The following ATXN1 variants were observed in gnomAD, a reference collection of about 807,000 sequenced individuals.
The protein encoded by ATXN1 is ataxin-1.
In ATXN1, 8 loss-of-function variants were observed where a neutral mutation model predicts 56.4. The ratio of observed to expected loss-of-function variants is 0.14; its 90% CI spans 0.08 to 0.26. The LOEUF (loss-of-function observed/expected upper bound fraction) is 0.26. ATXN1 is among the 10% of genes least tolerant of loss of function. ATXN1 has a pLI of 1.00. For missense variants in ATXN1, 987 were observed against 1,106.5 expected, an observed-to-expected ratio of 0.89 and a Z score of 1.53; for synonymous variants, 514 against 494.6, an observed-to-expected ratio of 1.04 and a Z score of -0.52.
chr6:16,721,541 T>A (rs1434498910), intron 2 of ATXN1, among the ~76,000 whole-genome samples: 1 of 152,152 alleles, frequency 6.6e-6, no homozygotes, highest in East Asian at 1.9e-4. Context: ...ACAAGAGGAC[T>A]GCTTGAGCCC....
chr6:16,333,431 A>G (rs929645134), intron 6 of ATXN1, among the ~76,000 whole-genome samples: 2 of 152,224 alleles, frequency 1.3e-5, no homozygotes, highest in African/African-American at 4.8e-5. Context: ...GATGTGGGGA[A>G]TATATGCCCA....
intron 4 of ATXN1, among the ~76,000 whole-genome samples, chr6:16,554,883 G>GAA (rs1028253345): frequency 1.1e-4 from 17 of 152,178 alleles, no homozygotes; most frequent in African/African-American, 4.1e-4. Context: ...GAGCCACTAT[G>GAA]CCTGGCCATG....
intron 6 of ATXN1, among the ~76,000 whole-genome samples, chr6:16,391,404 A>C (rs1255534430): frequency 6.6e-6 from 1 of 152,148 alleles, no homozygotes; most frequent in Admixed American, 6.5e-5. Context: ...ATTCTCAGAC[A>C]TTTGCAGTCT....
chr6:16,724,907 C>T (rs752091952), intron 2 of ATXN1, among the ~76,000 whole-genome samples: 6 of 152,102 alleles, frequency 3.9e-5, no homozygotes, highest in Non-Finnish European at 8.8e-5. Flanking sequence ...GTGAGGATCC[C>T]GCCATGGCCT....
rs768430857 is a variant in ATXN1 at position 16,327,762 on chromosome 6, G to A, written c.549C>T (p.Asn183=). ...QLEAYSTLLA[N]MGSLSQTPGH... Reference sequence around the variant, plus strand: ...CCGGCGTCTGGCTCAGACTGCCCATGTTGGCCAGCAGAGTGGAATAGGCCT... The same window carrying A: ...CCGGCGTCTGGCTCAGACTGCCCATATTGGCCAGCAGAGTGGAATAGGCCT... The change falls in exon 7 of 8, where the codon AAC becomes AAT. Residue 183 remains asparagine, a synonymous_variant. Transcript: ENST00000436367. 7 of 1,609,362 alleles carry A rather than the reference G, an allele frequency of 4.3e-6. No homozygotes were observed. In the African/African-American group the frequency reaches 9.3e-5, roughly 21 times the overall value.
At position 16,641,657 on chromosome 6, in the gene ATXN1, T is replaced by A. The variant is rs373495830; in HGVS notation, c.-489+16119A>T. On this transcript the variant is annotated intron_variant, in intron 3 of 7. Coordinates refer to ENST00000436367, the MANE Select transcript of ATXN1 (RefSeq NM_001128164.2). ...ATATACAAGGAGATTCATGTCGTTT[T>A]CACGCCTGCTAACACAACACCCATT... Among the ~76,000 whole-genome samples, 8 of 152,254 alleles carry A rather than the reference T, an allele frequency of 5.3e-5. No individual in the cohort carries two copies. In the South Asian group the frequency reaches 1.7e-3, roughly 31 times the overall value.
intron 6 of ATXN1, among the ~76,000 whole-genome samples, chr6:16,440,978 T>C (rs537089072): frequency 6.6e-6 from 1 of 152,044 alleles, no homozygotes; most frequent in Non-Finnish European, 1.5e-5. Context: ...CATCTGAAGG[T>C]TTTGGCACAA....
chr6:16,568,880 T>TGA (rs945785304), intron 4 of ATXN1, among the ~76,000 whole-genome samples: 1 of 152,130 alleles, frequency 6.6e-6, no homozygotes, highest in Non-Finnish European at 1.5e-5. Context: ...GATCTAATCT[T>TGA]GAGAGAGAGG....
chr6:16,382,168 A>AC (rs1295546356), intron 6 of ATXN1, among the ~76,000 whole-genome samples: 1 of 151,892 alleles, frequency 6.6e-6, no homozygotes, highest in Non-Finnish European at 1.5e-5. Context: ...ACATAGCAAG[A>AC]CCCCATCTAT....
chr6:16,372,930 T>TAAACAAAC (rs1392761982), intron 6 of ATXN1, among the ~76,000 whole-genome samples: 1 of 144,300 alleles, frequency 6.9e-6, no homozygotes, highest in Non-Finnish European at 1.5e-5. Flanking sequence ...AATAAATAAA[T>TAAACAAAC]AAATAAACAA....
chr6:16,531,605 A>G (rs1431025431), intron 4 of ATXN1, among the ~76,000 whole-genome samples: 1 of 150,648 alleles, frequency 6.6e-6, no homozygotes, highest in African/African-American at 2.4e-5. Flanking sequence ...CCTGGGAAAC[A>G]AGAGCGAAAC....
intron 2 of ATXN1, among the ~76,000 whole-genome samples, chr6:16,689,144 T>A (rs1758984332): frequency 6.6e-6 from 1 of 152,164 alleles, no homozygotes; most frequent in East Asian, 1.9e-4. Flanking sequence ...AGACAATACA[T>A]ACTCTTTTGG....
At chr6:16,744,136 C>T (rs1760441400) in intron 2 of ATXN1, among the ~76,000 whole-genome samples, 1 of 152,128 alleles carries the variant, frequency 6.6e-6, no homozygotes, top group African/African-American at 2.4e-5. Flanking sequence ...GCCAAACCAC[C>T]CCAGCTCAGC....
At chr6:16,758,199 A>T (rs1045747024) in intron 1 of ATXN1, among the ~76,000 whole-genome samples, 1 of 152,208 alleles carries the variant, frequency 6.6e-6, no homozygotes, top group African/African-American at 2.4e-5. Flanking sequence ...TTTTCCGAAT[A>T]AGTTATTCCC....
intron 4 of ATXN1, among the ~76,000 whole-genome samples, chr6:16,579,817 A>G (rs771260826): frequency 6.6e-6 from 1 of 152,098 alleles, no homozygotes; most frequent in Non-Finnish European, 1.5e-5. Flanking sequence ...TATGTATACA[A>G]TTCTGACAGT....
intron 6 of ATXN1, among the ~76,000 whole-genome samples, chr6:16,420,465 A>G (rs1759009365): frequency 6.6e-6 from 1 of 152,268 alleles, no homozygotes; most frequent in African/African-American, 2.4e-5. Flanking sequence ...ATAGAGTATT[A>G]GAAAGACTGT....
At chr6:16,339,605 A>G (rs1761198731) in intron 6 of ATXN1, among the ~76,000 whole-genome samples, 1 of 152,214 alleles carries the variant, frequency 6.6e-6, no homozygotes, top group Admixed American at 6.5e-5. Flanking sequence ...TTACATATAA[A>G]TAACAACTAG....
At chr6:16,606,122 C>G (rs2113785343) in intron 3 of ATXN1, among the ~76,000 whole-genome samples, 1 of 152,124 alleles carries the variant, frequency 6.6e-6, no homozygotes, top group South Asian at 2.1e-4. Context: ...GTGTGTCACT[C>G]TGGAGACAGA....
At chr6:16,473,803 A>G (rs949738082) in intron 6 of ATXN1, among the ~76,000 whole-genome samples, 2 of 152,108 alleles carry the variant, frequency 1.3e-5, no homozygotes, top group African/African-American at 2.4e-5. Context: ...TTCTGGTCAC[A>G]TTGTTCTGAA....
Sources: gnomAD v4.1 joint callset for allele counts (sites outside exome capture counted in the v4.1 genomes callset) on GRCh38, gnomAD v4.1.1 for gene constraint, MANE v1.5 for transcripts, NCBI Gene and HGNC (gene_info 2026-07-23, HGNC 2026-07-21) for gene names.